Variants in RAP1GAP2 observed in about 807,000 individuals in gnomAD.
The protein encoded by RAP1GAP2 is rap1 GTPase-activating protein 2.
Under a neutral mutation model 95.0 loss-of-function variants are expected in RAP1GAP2, and 27 were observed. That is an observed-to-expected ratio of 0.28 (90% confidence interval 0.21 to 0.39). The LOEUF (loss-of-function observed/expected upper bound fraction) is 0.39. Among genes scored for constraint, RAP1GAP2 ranks in the 10% least tolerant of loss-of-function variants. RAP1GAP2 has a pLI of 1.00. For missense variants in RAP1GAP2, 771 were observed against 970.0 expected, an observed-to-expected ratio of 0.79 and a Z score of 2.72; for synonymous variants, 373 against 380.9, an observed-to-expected ratio of 0.98 and a Z score of 0.24.
At chr17:2,991,265 A>C (rs375575628) in intron 11 of RAP1GAP2, 32 bp from the exon 12 acceptor site, 94 of 1,510,604 alleles carry the variant, frequency 6.2e-5, no homozygotes, top group Non-Finnish European at 8.5e-5. Flanking sequence ...GAATTTTTCT[A>C]ATTCCTGCCC....
chr17:2,812,718 A>G (rs557901909), intron 2 of RAP1GAP2, among the ~76,000 whole-genome samples: 20 of 152,052 alleles, frequency 1.3e-4, no homozygotes, highest in Non-Finnish European at 5.9e-5. Flanking sequence ...GGCTGGGCGC[A>G]GTGGCTCACA....
rs990354992 is a variant in RAP1GAP2, at chr17:2,904,559, T to TGTGTGTGC, written c.81-718_81-717insCGTGTGTG. Among the ~76,000 whole-genome samples the TGTGTGTGC allele has an allele frequency of 6.6e-6, 1 of 151,734 alleles. No individual in the cohort carries two copies. The highest frequency in any genetic ancestry group is 2.4e-5 in the African/African-American group (1 of 41,316). On this transcript the variant is annotated intron_variant, in intron 2 of 24. Coordinates refer to ENST00000254695, the MANE Select transcript of RAP1GAP2 (RefSeq NM_015085.5). This position sits in a 1 kb window ranked among gnomAD's most constrained non-coding sequence, Gnocchi z 4.7. The stretch of plus-strand genomic sequence containing the variant: ...GTGTGTGTGTGTGTGTGTGTGTGTG[T>TGTGTGTGC]GTGTGTGTGTACGTGCAGAGGGGCT...
chr17:2,937,042 G>A (rs1216916270), intron 3 of RAP1GAP2, among the ~76,000 whole-genome samples: 2 of 152,240 alleles, frequency 1.3e-5, no homozygotes, highest in African/African-American at 2.4e-5. Flanking sequence ...AAAGCTGAGA[G>A]TTAAAGTGGT....
chr17:2,772,638 T>C (rs116423792), upstream of RAP1GAP2, among the ~76,000 whole-genome samples: 1,865 of 151,910 alleles, frequency 0.012, 37 homozygotes, highest in African/African-American at 0.042. Flanking sequence ...TGCAAATGCT[T>C]TGCAGGAATA....
chr17:2,786,417 G>T (rs2151456334), intron 1 of RAP1GAP2, among the ~76,000 whole-genome samples: 1 of 152,328 alleles, frequency 6.6e-6, no homozygotes, highest in East Asian at 1.9e-4. Flanking sequence ...CCAGGAAGAC[G>T]CTCCCTTTCC....
At chr17:2,880,760 A>AT (rs879286218) in intron 2 of RAP1GAP2, among the ~76,000 whole-genome samples, 32 of 151,710 alleles carry the variant, frequency 2.1e-4, no homozygotes, top group South Asian at 2.1e-3. Context: ...CAGATTTCAT[A>AT]TTTTTTTTGG....
chr17:2,882,179 T>C (rs1422291645), intron 2 of RAP1GAP2, among the ~76,000 whole-genome samples: 1 of 148,406 alleles, frequency 6.7e-6, no homozygotes, highest in Non-Finnish European at 1.5e-5. Flanking sequence ...CAGGCTAGAG[T>C]GCAGTGGTGC....
At chr17:2,951,595 G>C (rs1322978984) in intron 3 of RAP1GAP2, among the ~76,000 whole-genome samples, 3 of 152,002 alleles carry the variant, frequency 2.0e-5, no homozygotes, top group Non-Finnish European at 2.9e-5. Flanking sequence ...GGCAGTGCTT[G>C]TAGTCCCTGC....
intron 4 of RAP1GAP2, 70 bp downstream of exon 4, chr17:2,957,864 AG>A: frequency 1.4e-6 from 2 of 1,438,706 alleles, no homozygotes; most frequent in Non-Finnish European, 1.9e-6. Flanking sequence ...GGGACCAGGC[AG>A]AACCCACGGG....
chr17:2,763,364 ATAAC>A (rs1567630479), intron 1 of RAP1GAP2, among the ~76,000 whole-genome samples: 2 of 152,136 alleles, frequency 1.3e-5, no homozygotes, highest in African/African-American at 4.8e-5. Context: ...AGGCACATAA[ATAAC>A]TAACATCCAG....
intron 2 of RAP1GAP2, among the ~76,000 whole-genome samples, chr17:2,803,650 A>G (rs562571955): frequency 1.7e-4 from 26 of 152,232 alleles, no homozygotes; most frequent in Non-Finnish European, 3.7e-4. Context: ...AGGTCGAGGC[A>G]CGTGGATCAT....
At chr17:2,842,119 C>G (rs530493899) in intron 2 of RAP1GAP2, among the ~76,000 whole-genome samples, 1 of 152,186 alleles carries the variant, frequency 6.6e-6, no homozygotes, top group Admixed American at 6.5e-5. Flanking sequence ...TCTCATCACT[C>G]AGGGGAAGAG....
intron 2 of RAP1GAP2, 58 bp downstream of exon 2, chr17:2,800,608 G>A: frequency 6.4e-7 from 1 of 1,564,658 alleles, no homozygotes; most frequent in Non-Finnish European, 8.7e-7. Context: ...AGAGCGCCGG[G>A]CCCTTGCTCC....
Position 2,870,369 on chromosome 17 carries a change from G to A in RAP1GAP2, c.81-34915G>A, listed in dbSNP as rs140998730. Reference sequence around the variant, plus strand: ...CTTGACCTCGTGATCTGCCTGCCTCGTCCTCCCAAAGTGCTGGGATTACAG... The same window carrying A: ...CTTGACCTCGTGATCTGCCTGCCTCATCCTCCCAAAGTGCTGGGATTACAG... On this transcript the variant is annotated intron_variant, in intron 2 of 24. Transcript: ENST00000254695. This position sits in a 1 kb window ranked among gnomAD's most constrained non-coding sequence, Gnocchi z 4.4. 0.015 allele frequency among the ~76,000 whole-genome samples: 2,216 copies of A among 151,962 alleles called. 43 individuals are homozygous for A. Among genetic ancestry groups the A allele is most frequent in the African/African-American group, 0.05 (2,062 of 41,438 alleles).
intron 3 of RAP1GAP2, among the ~76,000 whole-genome samples, chr17:2,924,989 G>A (rs2042906209): frequency 1.3e-5 from 2 of 152,208 alleles, no homozygotes; most frequent in Admixed American, 1.3e-4. Context: ...ATCCCCAATG[G>A]TGCCCTGACC....
intron 8 of RAP1GAP2, among the ~76,000 whole-genome samples, chr17:2,974,345 T>A (rs2045013787): frequency 7.0e-6 from 1 of 143,642 alleles, no homozygotes; most frequent in African/African-American, 2.8e-5. Flanking sequence ...CGAGATTCCA[T>A]CTCAAAAAAA....
In RAP1GAP2 at chr17:2,957,773, T is replaced by C; in HGVS notation, c.180T>C (p.Phe60=). ...TTGTCTTTCAGTCGTCGGAGTTCTTTGAGATGCTGGAGAAAATGCAGGTGA... is the reference window on the plus strand; with the variant it reads ...TTGTCTTTCAGTCGTCGGAGTTCTTCGAGATGCTGGAGAAAATGCAGGTGA... ...APPTMKSSEF[F]EMLEKMQGIK... Residue 60 remains phenylalanine, a synonymous_variant, in exon 4 of 25, where the codon TTT becomes TTC. Coordinates refer to ENST00000254695, the MANE Select transcript of RAP1GAP2 (RefSeq NM_015085.5). 1 of 1,607,612 alleles carries C rather than the reference T, an allele frequency of 6.2e-7. No homozygotes were observed. Among genetic ancestry groups the C allele is most frequent in the Non-Finnish European group, 8.5e-7 (1 of 1,176,752 alleles).
At chr17:2,940,433 C>A (rs2043452214) in intron 3 of RAP1GAP2, among the ~76,000 whole-genome samples, 1 of 152,222 alleles carries the variant, frequency 6.6e-6, no homozygotes, top group Non-Finnish European at 1.5e-5. Flanking sequence ...CACTGCCAGC[C>A]AAAGGCTGTG....
At position 2,906,739 on chromosome 17, in the gene RAP1GAP2, C is replaced by G. The variant is rs2042209747; in HGVS notation, c.165+1371C>G. Among the ~76,000 whole-genome samples, 1 of 152,232 alleles carries G rather than the reference C, an allele frequency of 6.6e-6. No individual in the cohort carries two copies. The highest frequency in any genetic ancestry group is 1.9e-4 in the East Asian group (1 of 5,184). ...TGTCCTCACAGATGGCAGGAGTTTG[C>G]AGGGAGAAGTCTGACAGTCTCCTAG... On this transcript the variant is annotated intron_variant, in intron 3 of 24. Transcript: ENST00000254695. The surrounding 1 kb of genome is among the most constrained non-coding windows in gnomAD (Gnocchi z 4.3).
Sources: gnomAD v4.1 joint callset for allele counts (sites outside exome capture counted in the v4.1 genomes callset) on GRCh38, gnomAD v4.1.1 for gene constraint, Gnocchi (gnomAD v3.1) non-coding constraint, MANE v1.5 for transcripts, NCBI Gene and HGNC (gene_info 2026-07-23, HGNC 2026-07-21) for gene names.